The following PCDHGA7 variants were observed in gnomAD, a reference collection of about 807,000 sequenced individuals.
PCDHGA7 encodes protocadherin gamma-A7.
A neutral mutation model predicts 58.3 loss-of-function variants in PCDHGA7; 44 were observed. The observed-to-expected ratio is 0.75, with a 90% CI of 0.59 to 0.97. The LOEUF is 0.97. Among genes scored for constraint, PCDHGA7 ranks in the 50% least tolerant of loss-of-function variants. PCDHGA7 has a pLI of 0.00. For missense variants in PCDHGA7, 1,266 were observed against 1,188.7 expected (o/e 1.06, Z -0.96); for synonymous variants, 516 against 504.2 (o/e 1.02, Z -0.31).
rs758515649 is a variant in PCDHGA7 at position 141,432,368 on chromosome 5, A to G, written c.2424+47045A>G. On this transcript the variant is annotated intron_variant, in intron 1 of 3. Coordinates refer to ENST00000518325, the MANE Select transcript of PCDHGA7 (RefSeq NM_018920.4). This position sits in a 1 kb window ranked among gnomAD's most constrained non-coding sequence, Gnocchi z 6.0. ...GCAAGTGAAAGTGATGGCGCGGGAC[A>G]ACGGGCACCCGCCCCTCAGCAGCAA... 1.2e-6 allele frequency: 2 copies of G among 1,614,110 alleles called. No homozygotes were observed. Among genetic ancestry groups the G allele is most frequent in the Non-Finnish European group, 1.7e-6 (2 of 1,180,054 alleles).
chr5:141,388,712 G>A, intron 1 of PCDHGA7: 1 of 1,613,986 alleles, frequency 6.2e-7, no homozygotes. Flanking sequence ...TCAATGCCGA[G>A]ATTACTTTCT....
At chr5:141,422,318 G>A (rs778935746) in intron 1 of PCDHGA7, 10 of 1,548,110 alleles carry the variant, frequency 6.5e-6, no homozygotes, top group Non-Finnish European at 7.8e-6. Context: ...TCTCCTCCAG[G>A]TACAGTGATT....
chr5:141,489,342 A>G lies in PCDHGA7; in HGVS notation c.2425-5465A>G. 3.7e-6 allele frequency: 6 copies of G among 1,609,084 alleles called. No homozygotes were observed. The Middle Eastern group carries it at 6.6e-4, about 178-fold the overall frequency. On this transcript the variant is annotated intron_variant, in intron 1 of 3. Transcript: ENST00000518325. The surrounding 1 kb of genome is among the most constrained non-coding windows in gnomAD (Gnocchi z 4.5). ...GGGTGTCTGGGCAGCTTCGTTACTCAGTGGTGGAGGAGTCTGAGCCGGGGA... is the reference window on the plus strand; with the variant it reads ...GGGTGTCTGGGCAGCTTCGTTACTCGGTGGTGGAGGAGTCTGAGCCGGGGA...
At chr5:141,494,780 G>A (rs1314622459) in intron 1 of PCDHGA7, 27 bp from the exon 2 acceptor site, 13 of 1,613,898 alleles carry the variant, frequency 8.1e-6, no homozygotes, top group African/African-American at 1.3e-5. Context: ...CGGGTACTCA[G>A]CCCCTTTCCC....
At chr5:141,389,243 T>C (rs370534911) in intron 1 of PCDHGA7, 4 of 1,614,056 alleles carry the variant, frequency 2.5e-6, no homozygotes, top group Non-Finnish European at 3.4e-6. Flanking sequence ...TCTCACAGTC[T>C]TCCTATATAG....
intron 1 of PCDHGA7, chr5:141,471,515 T>C (rs931181988): frequency 2.6e-5 from 4 of 152,276 alleles, no homozygotes; most frequent in African/African-American, 9.6e-5. Context: ...GGAGTAAAAA[T>C]AACAGCGAGG....
chr5:141,403,749 C>T (rs759577178), intron 1 of PCDHGA7: 2 of 1,613,652 alleles, frequency 1.2e-6, no homozygotes, highest in Non-Finnish European at 1.7e-6. Context: ...ACTGCAACAG[C>T]CAGCGACCTG....
intron 1 of PCDHGA7, among the ~76,000 whole-genome samples, chr5:141,386,696 G>A (rs2090675281): frequency 6.6e-6 from 1 of 152,096 alleles, no homozygotes; most frequent in African/African-American, 2.4e-5. Context: ...ACTTGGGGTA[G>A]AAGACAATGT....
chr5:141,398,813 G>A (rs779872602), intron 1 of PCDHGA7: 11 of 1,613,838 alleles, frequency 6.8e-6, no homozygotes, highest in Admixed American at 3.3e-5. Flanking sequence ...ACTGAGCTCC[G>A]GATCCAGGTA....
At chr5:141,454,311 T>G (rs755771201) in intron 1 of PCDHGA7, among the ~76,000 whole-genome samples, 6 of 152,216 alleles carry the variant, frequency 3.9e-5, no homozygotes, top group Admixed American at 2.6e-4. Context: ...TTTCAAAGCA[T>G]TGAAACCTCC....
intron 1 of PCDHGA7, chr5:141,426,985 A>G (rs534298238): frequency 7.7e-5 from 35 of 456,646 alleles, no homozygotes; most frequent in Non-Finnish European, 1.3e-4. Context: ...ACTGATGCCA[A>G]CGATAATGCC....
At position 141,409,157 on chromosome 5, in the gene PCDHGA7, G is replaced by C. The variant is rs774813801; in HGVS notation, c.2424+23834G>C. 4 of 1,614,054 alleles carry C rather than the reference G, an allele frequency of 2.5e-6. No homozygotes were observed. In the South Asian group the frequency reaches 4.4e-5, roughly 18 times the overall value. ...AGATGTAGAAAGGTACACCATGGAA[G>C]TGGAAGCGAAGGACGGAGGTGGTCT... On this transcript the variant is annotated intron_variant, in intron 1 of 3. Coordinates refer to ENST00000518325, the MANE Select transcript of PCDHGA7 (RefSeq NM_018920.4).
intron 1 of PCDHGA7, chr5:141,422,550 G>A: frequency 6.2e-7 from 1 of 1,613,978 alleles, no homozygotes; most frequent in Non-Finnish European, 8.5e-7. Flanking sequence ...ATGTCTGGCT[G>A]AATGTGGCAG....
At position 141,477,004 on chromosome 5, in the gene PCDHGA7, C is replaced by T. The variant is rs1390668803; in HGVS notation, c.2425-17803C>T. On this transcript the variant is annotated intron_variant, in intron 1 of 3. Coordinates refer to ENST00000518325, the MANE Select transcript of PCDHGA7 (RefSeq NM_018920.4). The surrounding 1 kb of genome is among the most constrained non-coding windows in gnomAD (Gnocchi z 4.9). ...GCGCCGGCGTGCGGCAACTATTCGC[C>T]TTAGACCTTGTAACCGGGATGCTGA... is the stretch of plus-strand genomic sequence containing the variant. 3 of 1,614,236 alleles carry T rather than the reference C, an allele frequency of 1.9e-6. No homozygotes were observed. The highest frequency in any genetic ancestry group is 2.5e-6 in the Non-Finnish European group (3 of 1,180,042).
rs1329158220 is a variant in PCDHGA7, at chr5:141,413,339, A to G, written c.2424+28016A>G. On this transcript the variant is annotated intron_variant, in intron 1 of 3. Coordinates refer to ENST00000518325, the MANE Select transcript of PCDHGA7 (RefSeq NM_018920.4). Reference sequence around the variant, plus strand: ...TCTTTCGTGGGCAACATCTCCAAGGACTTGGGTCTGGCGCCCCGGGAGCTG... The same window carrying G: ...TCTTTCGTGGGCAACATCTCCAAGGGCTTGGGTCTGGCGCCCCGGGAGCTG... The G allele has an allele frequency of 1.3e-5, 21 of 1,613,832 alleles. No individual in the cohort carries two copies. Among genetic ancestry groups the G allele is most frequent in the African/African-American group, 2.7e-5 (2 of 74,940 alleles).
At position 141,433,069 on chromosome 5, in the gene PCDHGA7, C is replaced by G. The variant is rs561950316; in HGVS notation, c.2424+47746C>G. The G allele has an allele frequency of 3.1e-6, 5 of 1,614,200 alleles. No homozygotes were observed. In the Admixed American group the frequency reaches 8.3e-5, roughly 27 times the overall value. Reference sequence around the variant, plus strand: ...ACTCGCGGAAGAGTCACCTGATCTTCCCCCAGCCCAACTATGCAGACATGC... The same window carrying G: ...ACTCGCGGAAGAGTCACCTGATCTTGCCCCAGCCCAACTATGCAGACATGC... On this transcript the variant is annotated intron_variant, in intron 1 of 3. Coordinates refer to ENST00000518325, the MANE Select transcript of PCDHGA7 (RefSeq NM_018920.4).
At chr5:141,409,036 C>T in intron 1 of PCDHGA7, 1 of 1,614,020 alleles carries the variant, frequency 6.2e-7, no homozygotes, top group Non-Finnish European at 8.5e-7. Context: ...CTGAGATAAA[C>T]TACTACTTCC....
chr5:141,431,995 G>A lies in PCDHGA7; in HGVS notation c.2424+46672G>A. 6.2e-7 allele frequency: 1 copy of A among 1,614,048 alleles called. No individual in the cohort carries two copies. Among genetic ancestry groups the A allele is most frequent in the East Asian group, 2.2e-5 (1 of 44,898 alleles). The stretch of plus-strand genomic sequence containing the variant: ...TAGTCACAGACATAGTCTTGGATAG[G>A]GAACAGGTTCCTAGCTACAACATCA... On this transcript the variant is annotated intron_variant, in intron 1 of 3. Coordinates refer to ENST00000518325, the MANE Select transcript of PCDHGA7 (RefSeq NM_018920.4). This position sits in a 1 kb window ranked among gnomAD's most constrained non-coding sequence, Gnocchi z 4.8.
rs754577584 is a variant in PCDHGA7, at chr5:141,384,611, G to A, written c.1712G>A (p.Gly571Asp). The A allele has an allele frequency of 4.3e-6, 7 of 1,614,098 alleles. No individual in the cohort carries two copies. The highest frequency in any genetic ancestry group is 5.9e-6 in the Non-Finnish European group (7 of 1,180,050). Residue 571 changes from glycine (G) to aspartate (D), a missense_variant, in exon 1 of 4, where the codon GGT (glycine) becomes GAT (aspartate). Physicochemically the swap from Gly to Asp is moderately conservative, Grantham distance 94. Coordinates refer to ENST00000518325, the MANE Select transcript of PCDHGA7 (RefSeq NM_018920.4). ...CTGTACCCGGCCCTCCCCACAGATG[G>A]TTCTACTGGCATGGAGCTGGCACCC... The part of the protein sequence containing the change: ...EILYPALPTD[G>D]STGMELAPRS...
Sources: allele counts gnomAD v4.1 joint callset (sites outside exome capture counted in the v4.1 genomes callset), GRCh38; gene constraint gnomAD v4.1.1; non-coding constraint Gnocchi (gnomAD v3.1); transcripts MANE v1.5; gene names NCBI Gene and HGNC (gene_info 2026-07-23, HGNC 2026-07-21).